Variants in DBI observed in about 807,000 individuals in gnomAD.
DBI encodes acyl-CoA-binding protein.
DBI carries 12 observed loss-of-function variants against 13.0 expected under a neutral mutation model. The observed-to-expected ratio is 0.92, with a 90% confidence interval of 0.59 to 1.49. DBI has a LOEUF of 1.49. Among genes scored for constraint, DBI ranks in the 40% most tolerant of loss-of-function variants. DBI has a pLI of 0.00. For synonymous variants in DBI, 37 were observed against 37.4 expected (o/e 0.99, Z 0.04); for missense variants, 95 against 104.8 (o/e 0.91, Z 0.41).
intron 1 of DBI, chr2:119,367,791 C>G (rs573432793): frequency 6.2e-7 from 1 of 1,610,808 alleles, no homozygotes; most frequent in African/African-American, 1.3e-5. Flanking sequence ...TCGCTGCAGC[C>G]CCGGCCACTC....
chr2:119,369,772 C>T (rs1441221650), intron 2 of DBI, among the ~76,000 whole-genome samples: 1 of 151,782 alleles, frequency 6.6e-6, no homozygotes, highest in Non-Finnish European at 1.5e-5. Flanking sequence ...GGCAACAGAA[C>T]GAGACTCTGT....
At chr2:119,371,632 A>ACCAT (rs1397048840) in intron 3 of DBI, among the ~76,000 whole-genome samples, 105 of 152,354 alleles carry the variant, frequency 6.9e-4, no homozygotes, top group Non-Finnish European at 1.4e-3. Flanking sequence ...CATAGAATCC[A>ACCAT]GGAAACTGGG....
At position 119,370,816 on chromosome 2, in the gene DBI, T is replaced by C; in HGVS notation, c.190+14T>C. On this transcript the variant is annotated intron_variant, in intron 3 of 3. Transcript: ENST00000355857. Reference sequence around the variant, plus strand: ...ATGAGCTGAAAGGTAATTGTTCTAATCAATTTCTCTCATTTGTGAAACCCA... The same window carrying C: ...ATGAGCTGAAAGGTAATTGTTCTAACCAATTTCTCTCATTTGTGAAACCCA... The C allele has an allele frequency of 6.2e-7, 1 of 1,610,140 alleles. No individual in the cohort carries two copies.
chr2:119,367,782 C>T lies in DBI; in HGVS notation c.10-406C>T, dbSNP rs759098691. ...CCCGTCTGTCCTCAGGCCAGGGCTTCGCTGCAGCCCCGGCCACTCCCTAGT... is the reference window on the plus strand; with the variant it reads ...CCCGTCTGTCCTCAGGCCAGGGCTTTGCTGCAGCCCCGGCCACTCCCTAGT... On this transcript the variant is annotated intron_variant, in intron 1 of 3. Coordinates refer to ENST00000355857, the MANE Select transcript of DBI (RefSeq NM_001079862.4). 4.7e-4 allele frequency: 750 copies of T among 1,609,382 alleles called. 2 individuals carry two copies. The highest frequency in any genetic ancestry group is 6.1e-4 in the Non-Finnish European group (716 of 1,178,338).
At chr2:119,367,838 C>T in intron 1 of DBI, 12 of 1,613,278 alleles carry the variant, frequency 7.4e-6, no homozygotes, top group Non-Finnish European at 1.0e-5. Flanking sequence ...GGCAGTTGGC[C>T]GCGCTGCTTC....
chr2:119,366,983 A>T lies in DBI; in HGVS notation c.-69A>T, dbSNP rs554658044. On this transcript the variant is annotated 5_prime_UTR_variant, in exon 1 of 4. Coordinates refer to ENST00000355857, the MANE Select transcript of DBI (RefSeq NM_001079862.4). ...GCCTCTAAAGGCGCTTGCCAGTGCA[A>T]TCTGGGCGATCGCTTCCTGGTCCTC... 6.2e-7 allele frequency: 1 copy of T among 1,606,666 alleles called. No individual in the cohort carries two copies. The highest frequency in any genetic ancestry group is 8.5e-7 in the Non-Finnish European group (1 of 1,174,224).
chr2:119,372,478 C>T lies in DBI; in HGVS notation c.*160C>T, dbSNP rs8192508. The stretch of plus-strand genomic sequence containing the variant: ...GGCTCTAACAGATTAGGGGCTAAAA[C>T]GATTACTGACTTTCCTTGAGTAGTT... On this transcript the variant is annotated 3_prime_UTR_variant, in exon 4 of 4. Coordinates refer to ENST00000355857, the MANE Select transcript of DBI (RefSeq NM_001079862.4). The T allele has an allele frequency of 7.0e-4, 372 of 532,812 alleles. 5 individuals carry two copies. The South Asian group carries it at 8.9e-3, about 13-fold the overall frequency. The allele number at this position is 532,812 out of a possible 1,614,324, so 33.0% of individuals were successfully genotyped here.
At chr2:119,368,426 T>A in intron 2 of DBI, 121 bp downstream of exon 2, 1 of 735,582 alleles carries the variant, frequency 1.4e-6, no homozygotes, top group East Asian at 2.5e-5. Context: ...AGGTGGGGTA[T>A]GGTGATGGTT....
At chr2:119,370,472 AAG>A (rs1185919811) in intron 2 of DBI, 1 of 291,248 alleles carries the variant, frequency 3.4e-6, no homozygotes. Context: ...ATTTTTTTAA[AAG>A]AGAAATTTTG....
chr2:119,367,118 G>A (rs1681061033), intron 1 of DBI, 58 bp downstream of exon 1: 2 of 1,607,402 alleles, frequency 1.2e-6, no homozygotes, highest in Admixed American at 1.7e-5. Flanking sequence ...CCCGTTGGGG[G>A]CTCAGCCGGC....
At chr2:119,371,482 T>C (rs114200436) in intron 3 of DBI, among the ~76,000 whole-genome samples, 5 of 152,186 alleles carry the variant, frequency 3.3e-5, no homozygotes, top group African/African-American at 1.2e-4. Flanking sequence ...AACACACTCC[T>C]AGGATCTGCA....
intron 3 of DBI, 55 bp from the exon 4 acceptor site, chr2:119,372,190 G>C: frequency 7.3e-7 from 1 of 1,378,174 alleles, no homozygotes; most frequent in Non-Finnish European, 1.0e-6. Flanking sequence ...TCTGGAGGCT[G>C]CTTGTTTCCT....
intron 2 of DBI, among the ~76,000 whole-genome samples, chr2:119,369,517 A>G (rs945260322): frequency 1.3e-5 from 2 of 152,196 alleles, no homozygotes; most frequent in Non-Finnish European, 1.5e-5. Context: ...GCTGGGCGCT[A>G]TGGCTCATGC....
chr2:119,368,403 G>C, intron 2 of DBI, 98 bp downstream of exon 2: 1 of 850,146 alleles, frequency 1.2e-6, no homozygotes, highest in Non-Finnish European at 2.0e-6. Flanking sequence ...AACTGCCTGA[G>C]GCCCTACTCT....
rs768572156 is a variant in DBI, at chr2:119,370,751, ATGT to A, written c.142_144del (p.Leu48del). On this transcript the variant is annotated inframe_deletion, in exon 3 of 4. Coordinates refer to ENST00000355857, the MANE Select transcript of DBI (RefSeq NM_001079862.4). ...TTCCCTTGTTTAAGAACGGCCCGGG[ATGT>A]TGGACTTCACGGGCAAGGCCAAGTG... 6.2e-7 allele frequency: 1 copy of A among 1,614,052 alleles called. No homozygotes were observed. Among genetic ancestry groups the A allele is most frequent in the South Asian group, 1.1e-5 (1 of 91,066 alleles).
chr2:119,367,484 G>C (rs759445967), intron 1 of DBI: 25 of 1,596,860 alleles, frequency 1.6e-5, no homozygotes, highest in Non-Finnish European at 2.0e-5. Flanking sequence ...GTACGGGGCC[G>C]GCTGCTCAGA....
In DBI at chr2:119,367,024, T is replaced by A; in HGVS notation, c.-28T>A. On this transcript the variant is annotated 5_prime_UTR_variant, in exon 1 of 4. Transcript: ENST00000355857. Reference sequence around the variant, plus strand: ...CCTGGTCCTCGCCTCCTCCGCTGTCTCCCTGGAGTTCTTGCAAGTCGGCCA... The same window carrying A: ...CCTGGTCCTCGCCTCCTCCGCTGTCACCCTGGAGTTCTTGCAAGTCGGCCA... The A allele has an allele frequency of 6.2e-7, 1 of 1,614,020 alleles. No individual in the cohort carries two copies. Among genetic ancestry groups the A allele is most frequent in the Non-Finnish European group, 8.5e-7 (1 of 1,179,988 alleles).
chr2:119,367,281 C>T lies in DBI; in HGVS notation c.9+221C>T, dbSNP rs1330761013. 2.8e-6 allele frequency: 4 copies of T among 1,436,978 alleles called. No homozygotes were observed. The South Asian group carries it at 4.4e-5, about 16-fold the overall frequency. The allele number at this position is 1,436,978 out of a possible 1,614,324, so 89.0% of individuals were successfully genotyped here. A position where few individuals can be genotyped will look rare whatever the true frequency, so the allele number is the denominator to read the frequency against. On this transcript the variant is annotated intron_variant, in intron 1 of 3. Coordinates refer to ENST00000355857, the MANE Select transcript of DBI (RefSeq NM_001079862.4). ...CCACCCCGCAACTGCCGGAAAGTTGCCCATGGGGTGGACTTCGCTGTGTAG... is the reference window on the plus strand; with the variant it reads ...CCACCCCGCAACTGCCGGAAAGTTGTCCATGGGGTGGACTTCGCTGTGTAG...
rs562249106 is a variant in DBI at position 119,368,478 on chromosome 2, C to T, written c.127+173C>T. On this transcript the variant is annotated intron_variant, in intron 2 of 3. Transcript: ENST00000355857. ...CCATGTTCCGGATTCTCAGTGTCTC[C>T]AGTAGTAACAGAATTCAAATCCTGG... 11 of 601,634 alleles carry T rather than the reference C, an allele frequency of 1.8e-5. No individual in the cohort carries two copies. The South Asian group carries it at 2.1e-4, about 12-fold the overall frequency. The allele number at this position is 601,634 out of a possible 1,614,324, so 37.3% of individuals were successfully genotyped here.
Sources: allele counts gnomAD v4.1 joint callset (sites outside exome capture counted in the v4.1 genomes callset), GRCh38; gene constraint gnomAD v4.1.1; transcripts MANE v1.5; gene names NCBI Gene and HGNC (gene_info 2026-07-23, HGNC 2026-07-21).